The following PLCH2 variants were observed in gnomAD, a reference collection of about 807,000 sequenced individuals.
PLCH2 encodes the protein phospholipase C eta 2, also known as 1-phosphatidylinositol 4,5-bisphosphate phosphodiesterase eta-2.
PLCH2 carries 98 observed loss-of-function variants against 134.7 expected under a neutral mutation model. The observed-to-expected ratio is 0.73, with a 90% CI of 0.62 to 0.86. The LOEUF is 0.86. PLCH2 is among the 40% of genes least tolerant of loss of function. The pLI, the probability that PLCH2 is intolerant of heterozygous loss-of-function variation, is 0.00. For synonymous variants in PLCH2, 974 were observed against 827.5 expected (o/e 1.18, Z -3.04); for missense variants, 1,994 against 1,986.6 (o/e 1.00, Z -0.07).
rs1361755205 is a variant in PLCH2, at chr1:2,504,603, C to T, written c.3641C>T (p.Pro1214Leu). The change falls in exon 22 of 22, where the codon CCC (proline) becomes CTC (leucine). Residue 1214 changes from proline to leucine, a missense_variant. Coordinates refer to ENST00000378486, the MANE Select transcript of PLCH2 (RefSeq NM_014638.4). ...CTTCGGGCTACAGGCCAGCGGCCTC[C>T]CATACCTGACGAACTGCAGCCCAGG... Reference protein sequence around the residue: ...PNLRATGQRPPIPDELQPRSL... With the variant: ...PNLRATGQRPLIPDELQPRSL... 1 of 1,612,702 alleles carries T rather than the reference C, an allele frequency of 6.2e-7. No homozygotes were observed. The highest frequency in any genetic ancestry group is 8.5e-7 in the Non-Finnish European group (1 of 1,179,772).
intron 2 of PLCH2, among the ~76,000 whole-genome samples, chr1:2,433,436 G>A (rs1430943898): frequency 6.6e-6 from 1 of 152,130 alleles, no homozygotes; most frequent in Non-Finnish European, 1.5e-5. Flanking sequence ...GTACTCCAGC[G>A]GGAGGCTGTG....
At chr1:2,492,951 G>T (rs377166301) in intron 11 of PLCH2, 2 of 152,174 alleles carry the variant, frequency 1.3e-5, no homozygotes, top group Non-Finnish European at 2.9e-5. Context: ...AGCACAACCC[G>T]GTGAGTGCTT....
intron 2 of PLCH2, among the ~76,000 whole-genome samples, chr1:2,437,875 C>T (rs1013871473): frequency 1.3e-4 from 20 of 152,378 alleles, no homozygotes; most frequent in African/African-American, 4.3e-4. Flanking sequence ...CACCCACGCA[C>T]GTGGCCGTCC....
chr1:2,496,541 C>A, intron 13 of PLCH2, 66 bp from the exon 14 acceptor site: 1 of 1,349,120 alleles, frequency 7.4e-7, no homozygotes, highest in Non-Finnish European at 1.0e-6. Context: ...TGGAGCCCGT[C>A]TCACGGAGCT....
In PLCH2 at chr1:2,502,404, C is replaced by A; in HGVS notation, c.2954C>A (p.Pro985His). 1.9e-6 allele frequency: 3 copies of A among 1,544,098 alleles called. No homozygotes were observed. In the South Asian group the frequency reaches 3.6e-5, roughly 18 times the overall value. Reference protein sequence around the residue: ...PAQEGPGSGSPRDTRPLSTQR... With the variant: ...PAQEGPGSGSHRDTRPLSTQR... Reference sequence around the variant, plus strand: ...CAGGAGGGGCCCGGCAGCGGCAGCCCCCGAGGTAAGGCGCCAGCTGCGGTG... The same window carrying A: ...CAGGAGGGGCCCGGCAGCGGCAGCCACCGAGGTAAGGCGCCAGCTGCGGTG... Residue 985 changes from proline to histidine, a missense_variant, in exon 21 of 22, where the codon CCC becomes CAC. Transcript: ENST00000378486.
intron 1 of PLCH2, among the ~76,000 whole-genome samples, chr1:2,477,941 C>A (rs1305081308): frequency 2.0e-5 from 3 of 152,200 alleles, no homozygotes; most frequent in Non-Finnish European, 4.4e-5. Flanking sequence ...GGGGCAGGGG[C>A]ATGGGGTTGC....
chr1:2,463,822 C>T (rs1423713072), upstream of PLCH2, among the ~76,000 whole-genome samples: 1 of 152,264 alleles, frequency 6.6e-6, no homozygotes, highest in Non-Finnish European at 1.5e-5. Flanking sequence ...CACCAGCTGG[C>T]CAGGCCCTTG....
At chr1:2,474,925 G>A (rs1031343110), upstream of PLCH2, among the ~76,000 whole-genome samples, 4 of 152,208 alleles carry the variant, frequency 2.6e-5, no homozygotes, top group African/African-American at 4.8e-5. Flanking sequence ...CCGAGGCCCT[G>A]TCTTCCTGAG....
Position 2,487,218 on chromosome 1 carries a change from C to A in PLCH2, c.956C>A (p.Pro319His). The A allele has an allele frequency of 6.3e-7, 1 of 1,598,076 alleles. No individual in the cohort carries two copies. The highest frequency in any genetic ancestry group is 2.3e-5 in the East Asian group (1 of 44,060). Residue 319 changes from proline (P) to histidine (H), a missense_variant, in exon 7 of 22, where the codon CCT becomes CAT. Physicochemically the swap from Pro to His is moderately conservative, Grantham distance 77. Coordinates refer to ENST00000378486, the MANE Select transcript of PLCH2 (RefSeq NM_014638.4). The stretch of plus-strand genomic sequence containing the variant: ...AGCCCTGCTGGTGACATCTTCAACC[C>A]TGAGCACCACCATGTGCACCAGGAC... ...TRSPAGDIFN[P>H]EHHHVHQDMT... is the part of the protein sequence containing the mutation.
upstream of PLCH2, among the ~76,000 whole-genome samples, chr1:2,472,544 C>A (rs771848445): frequency 3.9e-5 from 6 of 152,254 alleles, no homozygotes; most frequent in African/African-American, 1.4e-4. Context: ...CCCTGGGATG[C>A]GGCTGCCTCA....
Position 2,438,223 on chromosome 1 carries a change from G to A in PLCH2, c.115+7594G>A, listed in dbSNP as rs111383888. Reference sequence around the variant, plus strand: ...CGGAGATGAACGGCGCTCGGCAGACGGTGTGTGCTGGCGCCCGGCCCTGTG... The same window carrying A: ...CGGAGATGAACGGCGCTCGGCAGACAGTGTGTGCTGGCGCCCGGCCCTGTG... On this transcript the variant is annotated intron_variant, in intron 2 of 3. Coordinates refer to the PLCH2 transcript ENST00000609981. Among the ~76,000 whole-genome samples the A allele has an allele frequency of 4.0e-3, 613 of 152,368 alleles. 2 individuals carry two copies. The highest frequency in any genetic ancestry group is 7.3e-3 in the Non-Finnish European group (497 of 68,034).
At chr1:2,491,483 C>A (rs1642579343) in intron 11 of PLCH2, 148 bp downstream of exon 11, 2 of 809,446 alleles carry the variant, frequency 2.5e-6, no homozygotes, top group South Asian at 1.7e-5. Flanking sequence ...TCTGTACACA[C>A]CTCCGCACAC....
At chr1:2,458,730 C>T (rs375557429) in intron 2 of PLCH2, among the ~76,000 whole-genome samples, 47 of 152,284 alleles carry the variant, frequency 3.1e-4, no homozygotes, top group African/African-American at 1.0e-3. Flanking sequence ...AGGCAGCCTG[C>T]CCCCAGTATG....
chr1:2,491,568 G>T (rs904314542), intron 11 of PLCH2, among the ~76,000 whole-genome samples: 1 of 152,236 alleles, frequency 6.6e-6, no homozygotes, highest in Non-Finnish European at 1.5e-5. Flanking sequence ...CCAGCTGGGG[G>T]GACATGATTG....
chr1:2,466,092 G>A (rs80153752), upstream of PLCH2, among the ~76,000 whole-genome samples: 10,109 of 152,214 alleles, frequency 0.066, 401 homozygotes, highest in East Asian at 0.13. Flanking sequence ...GGTTGCCTCT[G>A]GCACACGTGC....
chr1:2,438,454 G>C (rs1298447660), intron 2 of PLCH2, among the ~76,000 whole-genome samples: 2 of 152,142 alleles, frequency 1.3e-5, no homozygotes, highest in Non-Finnish European at 2.9e-5. Context: ...ACTCCCTCCT[G>C]TACTGTCTCC....
upstream of PLCH2, among the ~76,000 whole-genome samples, chr1:2,466,275 T>C (rs1018185013): frequency 1.4e-4 from 22 of 152,090 alleles, no homozygotes; most frequent in Non-Finnish European, 7.4e-5. Context: ...ACCCTGGCTG[T>C]GCCGAATGGG....
upstream of PLCH2, among the ~76,000 whole-genome samples, chr1:2,425,109 G>A (rs969453951): frequency 9.9e-5 from 15 of 151,296 alleles, no homozygotes; most frequent in Non-Finnish European, 1.8e-4. Flanking sequence ...GCTGCAGTGA[G>A]CGGAGATCGC....
upstream of PLCH2, among the ~76,000 whole-genome samples, chr1:2,424,648 T>C (rs552356813): frequency 6.6e-6 from 1 of 152,134 alleles, no homozygotes; most frequent in South Asian, 2.1e-4. Flanking sequence ...ATCAGGAGTT[T>C]GAGACCAGCC....
Sources: allele counts gnomAD v4.1 joint callset (sites outside exome capture counted in the v4.1 genomes callset), GRCh38; gene constraint gnomAD v4.1.1; transcripts MANE v1.5; gene names NCBI Gene and HGNC (gene_info 2026-07-23, HGNC 2026-07-21).